Variants in CNTNAP2 observed in about 807,000 individuals in gnomAD.
The protein encoded by CNTNAP2 is contactin associated protein 2.
In CNTNAP2, 98 loss-of-function variants were observed where a neutral mutation model predicts 155.2. That is an observed-to-expected ratio of 0.63 (90% CI 0.54 to 0.75). The LOEUF (loss-of-function observed/expected upper bound fraction) is 0.75, where lower values mean the gene tolerates loss of function less well. CNTNAP2 is among the 30% of genes least tolerant of loss of function. CNTNAP2 has a pLI of 0.00. For missense variants in CNTNAP2, 1,727 were observed against 1,688.1 expected, an observed-to-expected ratio of 1.02 and a Z score of -0.40; for synonymous variants, 651 against 631.2, an observed-to-expected ratio of 1.03 and a Z score of -0.47.
At chr7:146,535,557 T>A (rs1339791638) in intron 1 of CNTNAP2, among the ~76,000 whole-genome samples, 1 of 149,456 alleles carries the variant, frequency 6.7e-6, no homozygotes, top group Non-Finnish European at 1.5e-5. Context: ...CTAATTCGTA[T>A]TTTTTAAATT....
At chr7:146,243,360 G>T (rs1799593847) in intron 1 of CNTNAP2, among the ~76,000 whole-genome samples, 1 of 151,794 alleles carries the variant, frequency 6.6e-6, no homozygotes, top group African/African-American at 2.4e-5. Flanking sequence ...GCCATTTCTG[G>T]TTGATTGGTC....
intron 3 of CNTNAP2, among the ~76,000 whole-genome samples, chr7:147,036,276 C>G (rs1300518916): frequency 6.6e-6 from 1 of 152,180 alleles, no homozygotes; most frequent in East Asian, 1.9e-4. Context: ...TGCTTTGCTT[C>G]ACTACCTCTT....
At chr7:146,418,587 C>T (rs550365749) in intron 1 of CNTNAP2, among the ~76,000 whole-genome samples, 41 of 152,082 alleles carry the variant, frequency 2.7e-4, no homozygotes, top group Middle Eastern at 3.4e-3. Flanking sequence ...GTACATAATG[C>T]GTATTTATTT....
chr7:147,840,685 T>G (rs1798713518), intron 13 of CNTNAP2, among the ~76,000 whole-genome samples: 1 of 151,916 alleles, frequency 6.6e-6, no homozygotes, highest in East Asian at 1.9e-4. Context: ...CGAATGGAGA[T>G]CAGAATGAAT....
At chr7:146,396,065 C>T (rs990311746) in intron 1 of CNTNAP2, among the ~76,000 whole-genome samples, 3 of 152,094 alleles carry the variant, frequency 2.0e-5, no homozygotes, top group African/African-American at 7.2e-5. Context: ...AATTATCATA[C>T]TTTTTCCCCT....
intron 14 of CNTNAP2, among the ~76,000 whole-genome samples, chr7:147,906,123 C>T (rs1420878236): frequency 1.3e-5 from 2 of 152,108 alleles, no homozygotes; most frequent in Non-Finnish European, 2.9e-5. Context: ...GTTTTGAAAA[C>T]ATTAAGGCCC....
intron 1 of CNTNAP2, among the ~76,000 whole-genome samples, chr7:146,505,028 G>A (rs6946344): frequency 0.019 from 2,950 of 152,170 alleles, 91 homozygotes; most frequent in African/African-American, 0.066. Flanking sequence ...TCCCACTAAC[G>A]AGCCCCATCC....
At chr7:148,413,123 A>G (rs10480290) in intron 23 of CNTNAP2, among the ~76,000 whole-genome samples, 88,028 of 150,922 alleles carry the variant, frequency 0.58, 26,332 homozygotes, top group African/African-American at 0.67. Flanking sequence ...CAGGCGTAGC[A>G]GCTCACGCCT....
At chr7:146,243,106 T>C (rs1221025102) in intron 1 of CNTNAP2, among the ~76,000 whole-genome samples, 1 of 152,120 alleles carries the variant, frequency 6.6e-6, no homozygotes, top group Non-Finnish European at 1.5e-5. Context: ...AGTAATCTAG[T>C]TTTTTTCCAT....
chr7:146,150,892 G>GA (rs1312073120), intron 1 of CNTNAP2, among the ~76,000 whole-genome samples: 2 of 151,902 alleles, frequency 1.3e-5, no homozygotes, highest in East Asian at 1.9e-4. Context: ...CTGCTATAAA[G>GA]AAAAAACTGC....
intron 13 of CNTNAP2, among the ~76,000 whole-genome samples, chr7:147,768,804 A>T (rs1262752835): frequency 6.6e-6 from 1 of 152,102 alleles, no homozygotes; most frequent in Non-Finnish European, 1.5e-5. Context: ...CTTCAGTATG[A>T]GCTACAAAAA....
At chr7:147,477,847 G>A (rs186379438) in intron 10 of CNTNAP2, among the ~76,000 whole-genome samples, 49 of 152,234 alleles carry the variant, frequency 3.2e-4, no homozygotes, top group African/African-American at 8.7e-4. Context: ...AGTTTACACC[G>A]TAGGTACTCA....
intron 10 of CNTNAP2, among the ~76,000 whole-genome samples, chr7:147,431,514 A>C (rs1797466196): frequency 6.6e-6 from 1 of 152,158 alleles, no homozygotes; most frequent in Non-Finnish European, 1.5e-5. Flanking sequence ...TTCTCTTTAC[A>C]ATAAAGACTT....
intron 1 of CNTNAP2, among the ~76,000 whole-genome samples, chr7:146,374,220 A>T (rs1457871598): frequency 6.6e-6 from 1 of 152,216 alleles, no homozygotes. Flanking sequence ...TCTAATTCAA[A>T]AGTAAGTTAA....
chr7:147,883,177 CA>C (rs1799550820), intron 13 of CNTNAP2, among the ~76,000 whole-genome samples: 1 of 152,100 alleles, frequency 6.6e-6, no homozygotes, highest in Non-Finnish European at 1.5e-5. Context: ...CTCTTCTCTG[CA>C]GGCCAATTAG....
intron 14 of CNTNAP2, among the ~76,000 whole-genome samples, chr7:147,961,370 T>A (rs1326603772): frequency 1.3e-5 from 2 of 152,142 alleles, no homozygotes; most frequent in Non-Finnish European, 2.9e-5. Context: ...TCATTTGAAA[T>A]GAGCTAGTGT....
chr7:148,265,295 A>G (rs1483271138), intron 20 of CNTNAP2, among the ~76,000 whole-genome samples: 1 of 152,198 alleles, frequency 6.6e-6, no homozygotes, highest in Non-Finnish European at 1.5e-5. Flanking sequence ...TTGCTTCCAG[A>G]CAGGGTCTCA....
chr7:146,336,661 G>A (rs952376247), intron 1 of CNTNAP2, among the ~76,000 whole-genome samples: 7 of 152,080 alleles, frequency 4.6e-5, no homozygotes, highest in East Asian at 1.9e-4. Context: ...TATTTTTAAC[G>A]GCCCTAAACT....
At chr7:148,282,951 T>C (rs892385643) in intron 21 of CNTNAP2, among the ~76,000 whole-genome samples, 2 of 152,060 alleles carry the variant, frequency 1.3e-5, no homozygotes, top group Non-Finnish European at 2.9e-5. Context: ...GCCAAAATTC[T>C]AGGCTGGGCT....
Sources: gnomAD v4.1 joint callset for allele counts (sites outside exome capture counted in the v4.1 genomes callset) on GRCh38, gnomAD v4.1.1 for gene constraint, MANE v1.5 for transcripts, NCBI Gene and HGNC (gene_info 2026-07-23, HGNC 2026-07-21) for gene names.